ADGRB3: variants seen among roughly 807,000 people sequenced by gnomAD.
ADGRB3 encodes the protein adhesion G protein-coupled receptor B3.
Under a neutral mutation model 193.4 loss-of-function variants are expected in ADGRB3, and 37 were observed. The observed-to-expected ratio is 0.19, with a 90% CI of 0.15 to 0.25. ADGRB3 has a LOEUF of 0.25. Ranked by LOEUF, ADGRB3 falls within the 10% of genes least tolerant of loss-of-function variation. The probability of loss-of-function intolerance (pLI) is 1.00; values close to 1 mark genes in which losing one functional copy is unlikely to be tolerated. For missense variants in ADGRB3, 1,637 were observed against 1,852.9 expected, an observed-to-expected ratio of 0.88 and a Z score of 2.14; for synonymous variants, 690 against 644.2, an observed-to-expected ratio of 1.07 and a Z score of -1.08.
chr6:68,930,960 C>A (rs1022744671), intron 4 of ADGRB3, among the ~76,000 whole-genome samples: 1 of 151,812 alleles, frequency 6.6e-6, no homozygotes, highest in Non-Finnish European at 1.5e-5. Context: ...AGAAAGACAG[C>A]CAAAGTTATT....
At chr6:68,720,977 T>G (rs544564437) in intron 3 of ADGRB3, among the ~76,000 whole-genome samples, 1 of 151,932 alleles carries the variant, frequency 6.6e-6, no homozygotes, top group South Asian at 2.1e-4. Context: ...ATGGGCGAGA[T>G]ATACACCTAA....
chr6:69,042,109 A>G (rs1351527838), intron 13 of ADGRB3, among the ~76,000 whole-genome samples: 1 of 152,146 alleles, frequency 6.6e-6, no homozygotes, highest in Non-Finnish European at 1.5e-5. Flanking sequence ...TTCACTGGGC[A>G]TTCATTTCTC....
At chr6:69,085,698 C>T (rs989011664) in intron 17 of ADGRB3, among the ~76,000 whole-genome samples, 2 of 151,630 alleles carry the variant, frequency 1.3e-5, no homozygotes, top group Non-Finnish European at 2.9e-5. Context: ...AGTTAATAAC[C>T]ATTTTGCAGG....
Position 68,958,005 on chromosome 6 carries a change from A to T in ADGRB3, c.1525+1196A>T, listed in dbSNP as rs1768125118. On this transcript the variant is annotated intron_variant, in intron 8 of 31. Coordinates refer to ENST00000370598, the MANE Select transcript of ADGRB3 (RefSeq NM_001704.3). The stretch of plus-strand genomic sequence containing the variant: ...CACCTGAGGTCAGGAGTTCGAGACC[A>T]GCCTGGCCAACGTGGCGAAACCCCG... Among the ~76,000 whole-genome samples the T allele has an allele frequency of 2.0e-5, 3 of 152,098 alleles. No individual in the cohort carries two copies. In the South Asian group the frequency reaches 6.2e-4, roughly 32 times the overall value.
intron 23 of ADGRB3, chr6:69,331,723 T>A: frequency 1.0e-6 from 1 of 985,320 alleles, no homozygotes; most frequent in Non-Finnish European, 1.2e-6. Flanking sequence ...TTAATGCCAA[T>A]ATAACACTAA....
intron 3 of ADGRB3, among the ~76,000 whole-genome samples, chr6:68,912,611 A>C (rs1766749594): frequency 6.6e-6 from 1 of 152,008 alleles, no homozygotes; most frequent in South Asian, 2.1e-4. Context: ...GAGTGAGAAC[A>C]TGTGGTGTTT....
At chr6:69,285,468 C>CAAGAGATG in intron 20 of ADGRB3, among the ~76,000 whole-genome samples, 5 of 151,992 alleles carry the variant, frequency 3.3e-5, no homozygotes, top group Admixed American at 1.3e-4. Context: ...ATCAGGAGTT[C>CAAGAGATG]GAGACCAGCC....
chr6:68,846,962 G>C (rs1425863141), intron 3 of ADGRB3, among the ~76,000 whole-genome samples: 3 of 152,188 alleles, frequency 2.0e-5, no homozygotes, highest in Non-Finnish European at 4.4e-5. Context: ...GAGGGAGGCT[G>C]TACCATGCAA....
At chr6:69,210,959 CA>C (rs553778800) in intron 17 of ADGRB3, among the ~76,000 whole-genome samples, 21,575 of 141,406 alleles carry the variant, frequency 0.15, 1,543 homozygotes, top group Middle Eastern at 0.17. Context: ...ACCAAAAATA[CA>C]AAAAAAAAAA....
At chr6:69,208,223 T>C (rs1318398921) in intron 17 of ADGRB3, among the ~76,000 whole-genome samples, 1 of 152,146 alleles carries the variant, frequency 6.6e-6, no homozygotes, top group East Asian at 1.9e-4. Flanking sequence ...ACGGGTCATT[T>C]TATCCACTTG....
Position 68,893,529 on chromosome 6 carries a change from CT to C in ADGRB3, c.758-37017del, listed in dbSNP as rs776176268. ...AAGCCTGTCTCCAGGACAACCAACT[CT>C]TTTTTTTTTTTTCCTTCAGTGTTAT... On this transcript the variant is annotated intron_variant, in intron 3 of 31. Transcript: ENST00000370598. 3.1e-3 allele frequency among the ~76,000 whole-genome samples: 433 copies of C among 140,874 alleles called. 2 individuals are homozygous for C. The highest frequency in any genetic ancestry group is 7.4e-3 in the Middle Eastern group (2 of 272). The allele number at this position is 140,874 out of a possible 152,430, so 92.4% of individuals were successfully genotyped here.
At chr6:69,297,410 C>CTCTCTA (rs1554192101) in intron 20 of ADGRB3, among the ~76,000 whole-genome samples, 39 of 128,288 alleles carry the variant, frequency 3.0e-4, no homozygotes, top group Admixed American at 7.2e-4. Flanking sequence ...CTCTCTCTCT[C>CTCTCTA]TATATATATA....
intron 10 of ADGRB3, 96 bp downstream of exon 10, chr6:68,975,436 A>G (rs1768715336): frequency 4.6e-6 from 4 of 871,962 alleles, no homozygotes; most frequent in Non-Finnish European, 7.0e-6. Flanking sequence ...TCAAATCAGT[A>G]ACATCTCTAA....
intron 30 of ADGRB3, among the ~76,000 whole-genome samples, chr6:69,373,252 T>C (rs1307430977): frequency 1.3e-5 from 2 of 152,050 alleles, no homozygotes; most frequent in Non-Finnish European, 1.5e-5. Flanking sequence ...AACTCAATAC[T>C]CTTAATTGAT....
In ADGRB3 at chr6:68,943,955, G is replaced by A; in HGVS notation, c.1156G>A (p.Glu386Lys). 6.2e-7 allele frequency: 1 copy of A among 1,613,824 alleles called. No homozygotes were observed. Among genetic ancestry groups the A allele is most frequent in the Non-Finnish European group, 8.5e-7 (1 of 1,179,766 alleles). Reference sequence around the variant, plus strand: ...TGGAGGAAGGCCGTGTGAAGGACCTGAAACACATCATAAGCCTTGTAATAT... The same window carrying A: ...TGGAGGAAGGCCGTGTGAAGGACCTAAAACACATCATAAGCCTTGTAATAT... ...QYGGRPCEGPETHHKPCNIAL... is the reference protein window; with the variant it reads ...QYGGRPCEGPKTHHKPCNIAL... Residue 386 changes from glutamate (E) to lysine (K), a missense_variant, in exon 6 of 32, where the codon GAA (glutamate) becomes AAA (lysine). Physicochemically the swap from Glu to Lys is moderately conservative, Grantham distance 56. Around this residue, in one of 7 missense-constraint regions of ADGRB3, gnomAD observed 641 missense variants for 673.9 expected, o/e 0.95. Coordinates refer to ENST00000370598, the MANE Select transcript of ADGRB3 (RefSeq NM_001704.3).
intron 3 of ADGRB3, among the ~76,000 whole-genome samples, chr6:68,881,093 G>C (rs1032853896): frequency 1.3e-5 from 2 of 151,870 alleles, no homozygotes; most frequent in Admixed American, 1.3e-4. Context: ...CTAATAGGAT[G>C]GTTATATTGC....
chr6:68,950,513 G>A (rs1767886477), intron 6 of ADGRB3, among the ~76,000 whole-genome samples: 1 of 152,100 alleles, frequency 6.6e-6, no homozygotes, highest in South Asian at 2.1e-4. Flanking sequence ...GCTGCTTTGT[G>A]TCTAAAATGG....
At chr6:68,737,094 C>T (rs1765887218) in intron 3 of ADGRB3, among the ~76,000 whole-genome samples, 1 of 151,874 alleles carries the variant, frequency 6.6e-6, no homozygotes, top group Admixed American at 6.6e-5. Context: ...TAGTAATGTT[C>T]CAGTATTATA....
chr6:68,838,106 C>A (rs1768080485), intron 3 of ADGRB3, among the ~76,000 whole-genome samples: 1 of 152,058 alleles, frequency 6.6e-6, no homozygotes, highest in Admixed American at 6.6e-5. Context: ...TAAAGGAATG[C>A]CAGGAACTCT....
Sources: allele counts gnomAD v4.1 joint callset (sites outside exome capture counted in the v4.1 genomes callset), GRCh38; gene constraint gnomAD v4.1.1; regional missense constraint gnomAD v4.1.1; transcripts MANE v1.5; gene names NCBI Gene and HGNC (gene_info 2026-07-23, HGNC 2026-07-21).